ASB13: variants seen among roughly 807,000 people sequenced by gnomAD.
The protein encoded by ASB13 is ankyrin repeat and SOCS box protein 13.
ASB13 carries 33 observed loss-of-function variants against 28.8 expected under a neutral mutation model. The observed-to-expected ratio is 1.15, with a 90% CI of 0.87 to 1.53. The LOEUF is 1.53. Ranked by LOEUF, ASB13 falls within the 40% of genes most tolerant of loss-of-function variation. The pLI is 0.00. For missense variants in ASB13, 414 were observed against 390.1 expected, an observed-to-expected ratio of 1.06 and a Z score of -0.52; for synonymous variants, 182 against 172.9, an observed-to-expected ratio of 1.05 and a Z score of -0.41.
chr10:5,647,762 G>A lies in ASB13; in HGVS notation c.517+1208C>T, dbSNP rs1287313297. Among the ~76,000 whole-genome samples, 5 of 152,170 alleles carry A rather than the reference G, an allele frequency of 3.3e-5. No individual in the cohort carries two copies. The South Asian group carries it at 1.0e-3, about 31-fold the overall frequency. ...GTTACAGATATGTAAACTGAGGCCCGAGGTCTCAGCTGGCAAGTAAGAGAG... is the reference window on the plus strand; with the variant it reads ...GTTACAGATATGTAAACTGAGGCCCAAGGTCTCAGCTGGCAAGTAAGAGAG... On this transcript the variant is annotated intron_variant, in intron 4 of 5. Transcript: ENST00000357700.
rs111714259 is a variant in ASB13 at position 5,641,712 on chromosome 10, G to C, written c.709+58C>G. The C allele has an allele frequency of 1.3e-6, 2 of 1,506,344 alleles. No homozygotes were observed. The highest frequency in any genetic ancestry group is 4.0e-5 in the Admixed American group (2 of 49,434). The allele number at this position is 1,506,344 out of a possible 1,614,324, so 93.3% of individuals were successfully genotyped here. On this transcript the variant is annotated intron_variant, in intron 5 of 5. Transcript: ENST00000357700. The surrounding 1 kb of genome is among the most constrained non-coding windows in gnomAD (Gnocchi z 8.4). Reference sequence around the variant, plus strand: ...GCGGAAGCCCACAGGGAGCCGGCACGTCAGGGGTCCAGGCTGAAGGCTGGA... The same window carrying C: ...GCGGAAGCCCACAGGGAGCCGGCACCTCAGGGGTCCAGGCTGAAGGCTGGA...
chr10:5,649,227 C>G lies in ASB13; in HGVS notation c.383-123G>C. 1 of 1,372,858 alleles carries G rather than the reference C, an allele frequency of 7.3e-7. No individual in the cohort carries two copies. Among genetic ancestry groups the G allele is most frequent in the East Asian group, 2.3e-5 (1 of 42,962 alleles). The allele number at this position is 1,372,858 out of a possible 1,614,324, so 85.0% of individuals were successfully genotyped here. A position where few individuals can be genotyped will look rare whatever the true frequency, so the allele number is the denominator to read the frequency against. ...TGCAGGGCAGGGAAGCCAGGCAGGC[C>G]TGCGTCCCAACCTAGGGAGGAGTTC... is the stretch of plus-strand genomic sequence containing the variant. On this transcript the variant is annotated intron_variant, in intron 3 of 5. Coordinates refer to ENST00000357700, the MANE Select transcript of ASB13 (RefSeq NM_024701.4). The surrounding 1 kb of genome is among the most constrained non-coding windows in gnomAD (Gnocchi z 6.4).
chr10:5,648,921 G>A (rs1554742191), intron 4 of ASB13, 49 bp downstream of exon 4: 1 of 1,604,890 alleles, frequency 6.2e-7, no homozygotes, highest in South Asian at 1.1e-5. Flanking sequence ...CACCCGCTCG[G>A]GCAAACACCC....
intron 4 of ASB13, among the ~76,000 whole-genome samples, chr10:5,648,566 G>T (rs61832725): frequency 0.17 from 11,487 of 67,626 alleles, 1,302 homozygotes; most frequent in Admixed American, 0.22. Flanking sequence ...AAACACCCAC[G>T]CAGGCAAACA....
Position 5,651,213 on chromosome 10 carries a change from C to G in ASB13, c.382G>C (p.Gly128Arg). The stretch of plus-strand genomic sequence containing the variant: ...CCAGCCCAGCCGTCTGCCAACTCAC[C>G]GCTCATGCAGGCCTCGTGCAGGGGG... ...ASPLHEACMS[G>R]SSECVRLLID... is the part of the protein sequence containing the mutation. The change falls in exon 3 of 6, where the codon GGG becomes CGG. Residue 128 changes from glycine to arginine, a missense_variant and splice_region_variant. Coordinates refer to ENST00000357700, the MANE Select transcript of ASB13 (RefSeq NM_024701.4). This position sits in a 1 kb window ranked among gnomAD's most constrained non-coding sequence, Gnocchi z 5.1. The G allele has an allele frequency of 1.2e-6, 2 of 1,601,202 alleles. No homozygotes were observed. Among genetic ancestry groups the G allele is most frequent in the Non-Finnish European group, 1.7e-6 (2 of 1,173,900 alleles).
rs1834974021 is a variant in ASB13 at position 5,650,888 on chromosome 10, G to A, written c.382+325C>T. ...CTCCCATCTCAATCAGGGGCCTGCAGAGCAAACTGTAGCAAAGCCCAAGTG... is the reference window on the plus strand; with the variant it reads ...CTCCCATCTCAATCAGGGGCCTGCAAAGCAAACTGTAGCAAAGCCCAAGTG... On this transcript the variant is annotated intron_variant, in intron 3 of 5. Transcript: ENST00000357700. The surrounding 1 kb of genome is among the most constrained non-coding windows in gnomAD (Gnocchi z 6.0). Among the ~76,000 whole-genome samples, 1 of 152,236 alleles carries A rather than the reference G, an allele frequency of 6.6e-6. No individual in the cohort carries two copies. Among genetic ancestry groups the A allele is most frequent in the Admixed American group, 6.5e-5 (1 of 15,290 alleles).
intron 1 of ASB13, among the ~76,000 whole-genome samples, chr10:5,665,022 A>G (rs1588523051): frequency 6.6e-6 from 1 of 152,118 alleles, no homozygotes; most frequent in South Asian, 2.1e-4. Flanking sequence ...ATGCTCGGCT[A>G]ATTTTTGTAT....
At position 5,640,844 on chromosome 10, in the gene ASB13, C is replaced by T. The variant is rs1348741044; in HGVS notation, c.710-14G>A. 1.9e-6 allele frequency: 3 copies of T among 1,613,128 alleles called. No homozygotes were observed. The highest frequency in any genetic ancestry group is 3.3e-5 in the Admixed American group (2 of 59,976). On this transcript the variant is annotated splice_polypyrimidine_tract_variant and intron_variant, in intron 5 of 5. Coordinates refer to ENST00000357700, the MANE Select transcript of ASB13 (RefSeq NM_024701.4). The stretch of plus-strand genomic sequence containing the variant: ...TCAGAGGTGTCTCTGAAAAAGGGAG[C>T]AAGGAAGGATGTGAGGTTAATTTCA...
chr10:5,642,379 C>G lies in ASB13; in HGVS notation c.518-418G>C, dbSNP rs6602421. The G allele has an allele frequency of 0.99, 652,220 of 657,584 alleles. 323,647 individuals carry two copies. Among genetic ancestry groups the G allele is most frequent in the East Asian group, 1 (12,177 of 12,178 alleles). 40.7% of individuals were successfully genotyped at this position (657,584 alleles called of 1,614,324 possible). On this transcript the variant is annotated intron_variant, in intron 4 of 5. Transcript: ENST00000357700. The surrounding 1 kb of genome is among the most constrained non-coding windows in gnomAD (Gnocchi z 4.1). ...CACACTGCTTCTTCCTCTTGCGGGC[C>G]CAGGACGGAGGCTCCAGAAATACTG... is the stretch of plus-strand genomic sequence containing the variant.
At position 5,649,053 on chromosome 10, in the gene ASB13, G is replaced by A. The variant is rs757058806; in HGVS notation, c.434C>T (p.Ala145Val). The change falls in exon 4 of 6, where the codon GCG becomes GTG. Residue 145 changes from alanine to valine, a missense_variant. Coordinates refer to ENST00000357700, the MANE Select transcript of ASB13 (RefSeq NM_024701.4). This position sits in a 1 kb window ranked among gnomAD's most constrained non-coding sequence, Gnocchi z 6.4. The stretch of plus-strand genomic sequence containing the variant: ...AGGGGTCCCAAAATGGCAATCGTGC[G>A]CTTCCAGATTGGCCCCGACGTCAAT... ...LLIDVGANLE[A>V]HDCHFGTPLH... The A allele has an allele frequency of 2.4e-5, 38 of 1,614,126 alleles. No individual in the cohort carries two copies. Among genetic ancestry groups the A allele is most frequent in the Admixed American group, 5.0e-5 (3 of 60,008 alleles).
chr10:5,640,948 G>T, intron 5 of ASB13, 118 bp from the exon 6 acceptor site: 2 of 1,328,270 alleles, frequency 1.5e-6, no homozygotes, highest in Non-Finnish European at 2.1e-6. Flanking sequence ...GAACCGGGAT[G>T]TGTCCTGTAG....
At position 5,645,805 on chromosome 10, in the gene ASB13, C is replaced by T. The variant is rs1834876789; in HGVS notation, c.517+3165G>A. ...GGTCCCTGGCTTTCCTTTGGTTTCCCGAGGGATCTGTGACCTGACCCCAAA... is the reference window on the plus strand; with the variant it reads ...GGTCCCTGGCTTTCCTTTGGTTTCCTGAGGGATCTGTGACCTGACCCCAAA... On this transcript the variant is annotated intron_variant, in intron 4 of 5. Coordinates refer to ENST00000357700, the MANE Select transcript of ASB13 (RefSeq NM_024701.4). This position sits in a 1 kb window ranked among gnomAD's most constrained non-coding sequence, Gnocchi z 5.4. 2.6e-5 allele frequency among the ~76,000 whole-genome samples: 4 copies of T among 152,086 alleles called. No homozygotes were observed. The South Asian group carries it at 8.3e-4, about 32-fold the overall frequency.
chr10:5,647,124 A>C (rs963057746), intron 4 of ASB13, among the ~76,000 whole-genome samples: 17 of 152,162 alleles, frequency 1.1e-4, no homozygotes, highest in African/African-American at 4.1e-4. Context: ...GTTCCCAAAC[A>C]GGTTTGTTCT....
Position 5,658,119 on chromosome 10 carries a change from C to T in ASB13, c.44-5069G>A, listed in dbSNP as rs528505870. Among the ~76,000 whole-genome samples the T allele has an allele frequency of 2.1e-3, 321 of 152,174 alleles. 2 individuals are homozygous for T. The highest frequency in any genetic ancestry group is 7.0e-3 in the African/African-American group (292 of 41,522). On this transcript the variant is annotated intron_variant, in intron 1 of 5. Transcript: ENST00000357700. This position sits in a 1 kb window ranked among gnomAD's most constrained non-coding sequence, Gnocchi z 4.2. ...GTTGCAGTGAACTGAGATCACACCA[C>T]TGCACTCCAGCCTGGGTGACAGAGA...
rs1340908082 is a variant in ASB13, at chr10:5,664,077, C to A, written c.43+2432G>T. 5.3e-5 allele frequency among the ~76,000 whole-genome samples: 8 copies of A among 152,148 alleles called. No individual in the cohort carries two copies. The highest frequency in any genetic ancestry group is 1.0e-4 in the Non-Finnish European group (7 of 68,030). On this transcript the variant is annotated intron_variant, in intron 1 of 5. Transcript: ENST00000357700. The surrounding 1 kb of genome is among the most constrained non-coding windows in gnomAD (Gnocchi z 4.2). ...ACCATCGGGGGAGCTGGAGAGCAGG[C>A]TGGTGCAGTGGCTAACCAGGATACA...
Position 5,649,188 on chromosome 10 carries a change from G to T in ASB13, c.383-84C>A. 6.4e-7 allele frequency: 1 copy of T among 1,572,430 alleles called. No individual in the cohort carries two copies. Among genetic ancestry groups the T allele is most frequent in the South Asian group, 1.1e-5 (1 of 87,684 alleles). Reference sequence around the variant, plus strand: ...GCACACAGACGCGGCAGGGGCAGCAGCCTCCATCCTTGGTGCAGGGCAGGG... The same window carrying T: ...GCACACAGACGCGGCAGGGGCAGCATCCTCCATCCTTGGTGCAGGGCAGGG... On this transcript the variant is annotated intron_variant, in intron 3 of 5. Coordinates refer to ENST00000357700, the MANE Select transcript of ASB13 (RefSeq NM_024701.4). This position sits in a 1 kb window ranked among gnomAD's most constrained non-coding sequence, Gnocchi z 6.4.
chr10:5,643,229 G>A (rs1834836259), intron 4 of ASB13, among the ~76,000 whole-genome samples: 1 of 152,200 alleles, frequency 6.6e-6, no homozygotes, highest in African/African-American at 2.4e-5. Context: ...TCAGACACTA[G>A]CATGCCATCA....
Position 5,658,916 on chromosome 10 carries a change from C to A in ASB13, c.44-5866G>T, listed in dbSNP as rs1013771447. Among the ~76,000 whole-genome samples the A allele has an allele frequency of 6.6e-6, 1 of 152,098 alleles. No individual in the cohort carries two copies. The highest frequency in any genetic ancestry group is 6.5e-5 in the Admixed American group (1 of 15,270). On this transcript the variant is annotated intron_variant, in intron 1 of 5. Coordinates refer to ENST00000357700, the MANE Select transcript of ASB13 (RefSeq NM_024701.4). This position sits in a 1 kb window ranked among gnomAD's most constrained non-coding sequence, Gnocchi z 4.2. ...TGACACCCCCAAACCACCGATGGCC[C>A]TTCCAGGGGGCGAAGAGACCCACTC... is the stretch of plus-strand genomic sequence containing the variant.
Position 5,659,666 on chromosome 10 carries a change from C to G in ASB13, c.44-6616G>C, listed in dbSNP as rs566440003. On this transcript the variant is annotated intron_variant, in intron 1 of 5. Transcript: ENST00000357700. The surrounding 1 kb of genome is among the most constrained non-coding windows in gnomAD (Gnocchi z 5.8). ...CTCCCGAGCATGCAGCCCACCCCCC[C>G]ACGCCATCTCCACACTATTGCCCCA... Among the ~76,000 whole-genome samples, 5 of 150,192 alleles carry G rather than the reference C, an allele frequency of 3.3e-5. No individual in the cohort carries two copies. The highest frequency in any genetic ancestry group is 6.6e-5 in the Admixed American group (1 of 15,088).
Sources: allele counts gnomAD v4.1 joint callset (sites outside exome capture counted in the v4.1 genomes callset), GRCh38; gene constraint gnomAD v4.1.1; non-coding constraint Gnocchi (gnomAD v3.1); transcripts MANE v1.5; gene names NCBI Gene and HGNC (gene_info 2026-07-23, HGNC 2026-07-21).